ADAMTSL3: variants seen among roughly 807,000 people sequenced by gnomAD.
ADAMTSL3 encodes the protein ADAMTS-like protein 3.
A neutral mutation model predicts 201.7 loss-of-function variants in ADAMTSL3; 128 were observed. The observed-to-expected ratio is 0.63, with a 90% confidence interval of 0.55 to 0.73. The LOEUF (loss-of-function observed/expected upper bound fraction) is 0.73. ADAMTSL3 is among the 30% of genes least tolerant of loss of function. The pLI is 0.00. For missense variants in ADAMTSL3, 1,990 were observed against 2,119.6 expected (o/e 0.94, Z 1.20); for synonymous variants, 738 against 748.4 (o/e 0.99, Z 0.23).
In ADAMTSL3 at chr15:83,819,852, C is replaced by T. The variant is rs933013663; in HGVS notation, c.405C>T (p.Cys135=). 4 of 1,613,978 alleles carry T rather than the reference C, an allele frequency of 2.5e-6. No individual in the cohort carries two copies. In the Admixed American group the frequency reaches 6.7e-5, roughly 27 times the overall value. ...PDAEDFRAQQ[C]SAYNDVQYQG... is the part of the protein sequence containing the mutation. Reference sequence around the variant, plus strand: ...CAGAAGATTTCAGAGCCCAGCAGTGCTCAGCCTACAATGATGTCCAGTATC... The same window carrying T: ...CAGAAGATTTCAGAGCCCAGCAGTGTTCAGCCTACAATGATGTCCAGTATC... The change falls in exon 6 of 30, where the codon TGC becomes TGT. Residue 135 remains cysteine, a synonymous_variant. Coordinates refer to ENST00000286744, the MANE Select transcript of ADAMTSL3 (RefSeq NM_207517.3).
chr15:83,826,730 A>C (rs1411213723), intron 6 of ADAMTSL3, among the ~76,000 whole-genome samples: 1 of 141,722 alleles, frequency 7.1e-6, no homozygotes, highest in Non-Finnish European at 1.5e-5. Context: ...CTCATTGTTC[A>C]GTTCCCACCT....
Position 84,014,574 on chromosome 15 carries a change from A to G in ADAMTSL3, c.4006A>G (p.Arg1336Gly). 4 of 1,614,116 alleles carry G rather than the reference A, an allele frequency of 2.5e-6. No homozygotes were observed. The South Asian group carries it at 4.4e-5, about 18-fold the overall frequency. The part of the protein sequence containing the change: ...VPQPNITWLK[R>G]GGSLSGNVSL... The stretch of plus-strand genomic sequence containing the variant: ...TCAGCCTAATATAACTTGGTTGAAG[A>G]GAGGAGGATCTCTGAGTGGCAATGT... The change falls in exon 24 of 30, where the codon AGA (arginine) becomes GGA (glycine). Residue 1336 changes from arginine to glycine, a missense_variant. Coordinates refer to ENST00000286744, the MANE Select transcript of ADAMTSL3 (RefSeq NM_207517.3).
chr15:84,027,297 C>T (rs2068327188), intron 27 of ADAMTSL3, among the ~76,000 whole-genome samples: 2 of 152,320 alleles, frequency 1.3e-5, no homozygotes, highest in South Asian at 4.1e-4. Context: ...GGTACAGACA[C>T]TTTAGAAAAC....
In ADAMTSL3 at chr15:83,755,901, C is replaced by T. The variant is rs560858388; in HGVS notation, c.190-17622C>T. 2.0e-5 allele frequency among the ~76,000 whole-genome samples: 3 copies of T among 152,316 alleles called. No homozygotes were observed. In the South Asian group the frequency reaches 6.2e-4, roughly 32 times the overall value. On this transcript the variant is annotated intron_variant, in intron 3 of 29. Transcript: ENST00000286744. ...TCAGCCTCCTGAGTAGCTGGGACTA[C>T]AGGCGCCTGCCACCACATCTGGCTA... is the stretch of plus-strand genomic sequence containing the variant.
chr15:84,000,292 T>C (rs1190091693), intron 23 of ADAMTSL3, among the ~76,000 whole-genome samples: 2 of 152,194 alleles, frequency 1.3e-5, no homozygotes, highest in Admixed American at 1.3e-4. Context: ...TTAAAACTCA[T>C]ATACAATCTT....
At chr15:83,699,663 C>T (rs1374764767) in intron 2 of ADAMTSL3, among the ~76,000 whole-genome samples, 3 of 152,234 alleles carry the variant, frequency 2.0e-5, no homozygotes, top group African/African-American at 7.2e-5. Flanking sequence ...TCCCTTCCTT[C>T]TTTATCCATT....
At chr15:83,748,109 G>A (rs74718275) in intron 3 of ADAMTSL3, among the ~76,000 whole-genome samples, 10,411 of 152,102 alleles carry the variant, frequency 0.068, 570 homozygotes, top group Admixed American at 0.18. Flanking sequence ...ACTTATTCTC[G>A]TTCATTCTAA....
At chr15:83,832,807 C>A (rs2064183955) in intron 6 of ADAMTSL3, among the ~76,000 whole-genome samples, 1 of 152,134 alleles carries the variant, frequency 6.6e-6, no homozygotes, top group South Asian at 2.1e-4. Context: ...GAACAACTTT[C>A]CATTAACCTG....
intron 19 of ADAMTSL3, among the ~76,000 whole-genome samples, chr15:83,955,848 GTT>G (rs2066851567): frequency 6.6e-6 from 1 of 152,018 alleles, no homozygotes; most frequent in African/African-American, 2.4e-5. Context: ...GAAGGAAGGA[GTT>G]GCTTTCATTG....
Position 83,887,605 on chromosome 15 carries a change from TTC to T in ADAMTSL3, c.1072+2402_1072+2403del, listed in dbSNP as rs559162441. Among the ~76,000 whole-genome samples, 5 of 152,254 alleles carry T rather than the reference TTC, an allele frequency of 3.3e-5. No individual in the cohort carries two copies. The East Asian group carries it at 9.7e-4, about 29-fold the overall frequency. ...TCTTACTCTGCAGAAAAACAAACATTTCTCTCTCTCCTTTTTGTTTGTTTGTT... is the reference window on the plus strand; with the variant it reads ...TCTTACTCTGCAGAAAAACAAACATTTCTCTCTCCTTTTTGTTTGTTTGTT... On this transcript the variant is annotated intron_variant, in intron 10 of 29. Coordinates refer to ENST00000286744, the MANE Select transcript of ADAMTSL3 (RefSeq NM_207517.3).
rs145711579 is a variant in ADAMTSL3 at position 83,958,784 on chromosome 15, C to A, written c.2491-11700C>A. ...TTCAAGAAATGAGATGAATAAATAA[C>A]AGGAGAATGTAAAATGATAGCTGAC... On this transcript the variant is annotated intron_variant, in intron 19 of 29. Transcript: ENST00000286744. Among the ~76,000 whole-genome samples, 188 of 151,892 alleles carry A rather than the reference C, an allele frequency of 1.2e-3. 3 individuals are homozygous for A. The East Asian group carries it at 0.028, about 23-fold the overall frequency.
intron 6 of ADAMTSL3, among the ~76,000 whole-genome samples, chr15:83,831,828 G>A (rs1375456418): frequency 6.6e-6 from 1 of 152,170 alleles, no homozygotes; most frequent in Non-Finnish European, 1.5e-5. Flanking sequence ...CAAGACAGAG[G>A]GAAAAGGAGA....
At chr15:83,700,905 A>G (rs187582645) in intron 2 of ADAMTSL3, among the ~76,000 whole-genome samples, 1 of 152,378 alleles carries the variant, frequency 6.6e-6, no homozygotes, top group African/African-American at 2.4e-5. Flanking sequence ...TATCTAAGCC[A>G]TCTAGTCTAG....
intron 3 of ADAMTSL3, among the ~76,000 whole-genome samples, chr15:83,748,649 C>CAAAAAAAAAAA (rs71156097): frequency 1.4e-5 from 1 of 70,512 alleles, no homozygotes; most frequent in Non-Finnish European, 2.6e-5. Context: ...GACCCTGTCT[C>CAAAAAAAAAAA]AAAAAAAAAA....
chr15:83,849,487 C>T (rs1246951978), intron 7 of ADAMTSL3, among the ~76,000 whole-genome samples: 2 of 152,186 alleles, frequency 1.3e-5, no homozygotes, highest in African/African-American at 2.4e-5. Context: ...GATTTCAAAG[C>T]AGGCTTAGAA....
intron 7 of ADAMTSL3, among the ~76,000 whole-genome samples, chr15:83,851,818 TAAA>T (rs2064621137): frequency 6.6e-6 from 1 of 152,188 alleles, no homozygotes; most frequent in South Asian, 2.1e-4. Flanking sequence ...TTATAAAACT[TAAA>T]AAGTTTTTTA....
At chr15:83,703,074 A>G (rs1309237928) in intron 2 of ADAMTSL3, among the ~76,000 whole-genome samples, 1 of 152,132 alleles carries the variant, frequency 6.6e-6, no homozygotes, top group Non-Finnish European at 1.5e-5. Context: ...AAAGGAGATC[A>G]TTTTGGAGCT....
intron 17 of ADAMTSL3, 77 bp downstream of exon 17, chr15:83,924,110 T>G: frequency 6.5e-7 from 1 of 1,546,660 alleles, no homozygotes; most frequent in Admixed American, 1.9e-5. Context: ...CCCACCTAAG[T>G]GCAGACTTGT....
chr15:83,730,519 G>A (rs941464362), intron 3 of ADAMTSL3, among the ~76,000 whole-genome samples: 1 of 152,058 alleles, frequency 6.6e-6, no homozygotes, highest in Non-Finnish European at 1.5e-5. Flanking sequence ...TCAGATGCTG[G>A]AATGGAGAAT....
Sources: allele counts gnomAD v4.1 joint callset (sites outside exome capture counted in the v4.1 genomes callset), GRCh38; gene constraint gnomAD v4.1.1; transcripts MANE v1.5; gene names NCBI Gene and HGNC (gene_info 2026-07-23, HGNC 2026-07-21).